The following TNR variants were observed in gnomAD, a reference collection of about 807,000 sequenced individuals.
TNR encodes tenascin R.
In TNR, 45 loss-of-function variants were observed where a neutral mutation model predicts 150.4. The ratio of observed to expected loss-of-function variants is 0.30; its 90% CI spans 0.24 to 0.38. TNR has a LOEUF of 0.38. TNR is among the 10% of genes least tolerant of loss of function. TNR has a pLI of 1.00. For synonymous variants in TNR, 687 were observed against 678.4 expected, an observed-to-expected ratio of 1.01 and a Z score of -0.20; for missense variants, 1,544 against 1,759.1, an observed-to-expected ratio of 0.88 and a Z score of 2.19.
In TNR at chr1:175,527,436, T is replaced by C. The variant is rs143198041; in HGVS notation, c.-64+833A>G. Among the ~76,000 whole-genome samples the C allele has an allele frequency of 9.3e-4, 142 of 152,316 alleles. 1 individual carries two copies. Among genetic ancestry groups the C allele is most frequent in the African/African-American group, 3.3e-3 (136 of 41,576 alleles). The stretch of plus-strand genomic sequence containing the variant: ...AGTAGCATGAGGGATACTGAGACTG[T>C]AGTGAGTCTAAGGAAGAAAATGAGC... On this transcript the variant is annotated intron_variant, in intron 2 of 22. Coordinates refer to ENST00000367674, the MANE Select transcript of TNR (RefSeq NM_003285.3).
intron 2 of TNR, among the ~76,000 whole-genome samples, chr1:175,507,796 C>G (rs1407129471): frequency 2.0e-5 from 3 of 152,226 alleles, no homozygotes; most frequent in Non-Finnish European, 4.4e-5. Context: ...ATGTCTCTGT[C>G]TGGCACCAGC....
intron 1 of TNR, among the ~76,000 whole-genome samples, chr1:175,633,895 G>A (rs7514769): frequency 0.28 from 43,207 of 151,914 alleles, 7,278 homozygotes; most frequent in East Asian, 0.51. Flanking sequence ...CAAAAAGGCT[G>A]TGGGCTCAAG....
chr1:175,552,151 T>C (rs956849292), intron 1 of TNR, among the ~76,000 whole-genome samples: 1 of 152,226 alleles, frequency 6.6e-6, no homozygotes, highest in African/African-American at 2.4e-5. Flanking sequence ...TGTTTGACTT[T>C]TCCAATTCCA....
At chr1:175,462,881 AG>A (rs1027116940) in intron 2 of TNR, among the ~76,000 whole-genome samples, 1 of 152,198 alleles carries the variant, frequency 6.6e-6, no homozygotes, top group Non-Finnish European at 1.5e-5. Flanking sequence ...GAGGGGCAAA[AG>A]TTTGCACCCT....
intron 1 of TNR, among the ~76,000 whole-genome samples, chr1:175,572,219 A>C (rs1661902434): frequency 6.6e-6 from 1 of 152,178 alleles, no homozygotes; most frequent in South Asian, 2.1e-4. Flanking sequence ...AGTTGGCTTA[A>C]AGAGTAGCCA....
chr1:175,353,851 A>ATTTATTTT (rs111708916), intron 18 of TNR, among the ~76,000 whole-genome samples: 5 of 146,138 alleles, frequency 3.4e-5, no homozygotes, highest in African/African-American at 1.0e-4. Flanking sequence ...ATTTTTATTT[A>ATTTATTTT]TTTTTTTTTT....
At chr1:175,390,434 A>G (rs1163566438) in intron 7 of TNR, among the ~76,000 whole-genome samples, 1 of 152,244 alleles carries the variant, frequency 6.6e-6, no homozygotes, top group Non-Finnish European at 1.5e-5. Flanking sequence ...ATAAAATGAG[A>G]ACCAAAACTT....
At chr1:175,422,538 C>T (rs769433198) in intron 2 of TNR, among the ~76,000 whole-genome samples, 1 of 152,090 alleles carries the variant, frequency 6.6e-6, no homozygotes, top group Non-Finnish European at 1.5e-5. Flanking sequence ...GTGGGGTGGC[C>T]CCGAGAGGGC....
chr1:175,355,450 C>A, intron 17 of TNR, 53 bp downstream of exon 17: 1 of 1,596,726 alleles, frequency 6.3e-7, no homozygotes, highest in Non-Finnish European at 8.5e-7. Flanking sequence ...AGTCAGTTTC[C>A]ACATGGCCTC....
At chr1:175,373,827 A>G (rs955216374) in intron 9 of TNR, among the ~76,000 whole-genome samples, 4 of 152,138 alleles carry the variant, frequency 2.6e-5, no homozygotes, top group African/African-American at 4.8e-5. Context: ...ACAAATAAGG[A>G]ATAGGCCCTG....
chr1:175,609,484 G>C (rs1236393193), intron 1 of TNR, among the ~76,000 whole-genome samples: 3 of 152,200 alleles, frequency 2.0e-5, no homozygotes, highest in African/African-American at 7.2e-5. Flanking sequence ...CTTTCTGACA[G>C]TCTGTTGCAG....
chr1:175,324,208 C>T, intron 22 of TNR, 148 bp downstream of exon 22: 1 of 938,994 alleles, frequency 1.1e-6, no homozygotes, highest in Admixed American at 2.8e-5. Context: ...TGATCTTATC[C>T]CATTGTCTGC....
chr1:175,547,058 T>G (rs1660718859), intron 1 of TNR, among the ~76,000 whole-genome samples: 1 of 152,172 alleles, frequency 6.6e-6, no homozygotes, highest in Non-Finnish European at 1.5e-5. Flanking sequence ...GACACTCCAT[T>G]TAGGAGGTAC....
At chr1:175,415,266 G>A (rs947604972) in intron 2 of TNR, among the ~76,000 whole-genome samples, 5 of 152,076 alleles carry the variant, frequency 3.3e-5, no homozygotes, top group Admixed American at 6.5e-5. Context: ...GATTACAGCC[G>A]GCCCCATTGT....
intron 2 of TNR, among the ~76,000 whole-genome samples, chr1:175,480,294 TA>T (rs34031344): frequency 0.23 from 25,791 of 111,722 alleles, 2,947 homozygotes; most frequent in East Asian, 0.58. Context: ...CTGGACATAG[TA>T]AAAAAAAAAT....
intron 2 of TNR, among the ~76,000 whole-genome samples, chr1:175,503,018 C>G (rs1395258141): frequency 6.7e-6 from 1 of 148,616 alleles, no homozygotes; most frequent in East Asian, 1.9e-4. Flanking sequence ...TCAGCATATG[C>G]TCATCCCAAC....
intron 1 of TNR, among the ~76,000 whole-genome samples, chr1:175,688,322 C>A (rs1254649473): frequency 6.6e-6 from 1 of 152,216 alleles, no homozygotes; most frequent in East Asian, 1.9e-4. Flanking sequence ...AGAATCAGCC[C>A]TGACTTAAGA....
intron 1 of TNR, among the ~76,000 whole-genome samples, chr1:175,628,266 G>A (rs979220813): frequency 6.6e-6 from 1 of 152,132 alleles, no homozygotes; most frequent in Non-Finnish European, 1.5e-5. Context: ...GTGATTTGGT[G>A]TGGAGGGAAC....
chr1:175,710,695 C>G (rs1215124931), intron 1 of TNR, among the ~76,000 whole-genome samples: 1 of 152,120 alleles, frequency 6.6e-6, no homozygotes. Flanking sequence ...AGCTTAGGCC[C>G]TAACCACTTT....
Sources: gnomAD v4.1 joint callset for allele counts (sites outside exome capture counted in the v4.1 genomes callset) on GRCh38, gnomAD v4.1.1 for gene constraint, MANE v1.5 for transcripts, NCBI Gene and HGNC (gene_info 2026-07-23, HGNC 2026-07-21) for gene names.